Variants in ELP3 observed in about 807,000 individuals in gnomAD.
ELP3 encodes the protein elongator acetyltransferase complex subunit 3.
ELP3 carries 56 observed loss-of-function variants against 74.9 expected under a neutral mutation model. The ratio of observed to expected loss-of-function variants is 0.75; its 90% CI spans 0.60 to 0.93. The LOEUF is 0.93. Ranked by LOEUF, ELP3 falls within the 40% of genes least tolerant of loss-of-function variation. The pLI is 0.00. For missense variants in ELP3, 573 were observed against 686.5 expected, an observed-to-expected ratio of 0.83 and a Z score of 1.85; for synonymous variants, 222 against 239.8, an observed-to-expected ratio of 0.93 and a Z score of 0.68.
chr8:28,130,581 A>G (rs1812751174), intron 8 of ELP3, among the ~76,000 whole-genome samples: 1 of 152,224 alleles, frequency 6.6e-6, no homozygotes, highest in Admixed American at 6.5e-5. Flanking sequence ...AGAGTAACCG[A>G]ATAGGATGCT....
intron 7 of ELP3, among the ~76,000 whole-genome samples, chr8:28,127,317 C>G (rs911077484): frequency 6.6e-6 from 1 of 152,092 alleles, no homozygotes; most frequent in Admixed American, 6.6e-5. Flanking sequence ...CTAGTTTTTC[C>G]CAGTGATGTA....
rs1421473190 is a variant in ELP3 at position 28,190,967 on chromosome 8, A to G, written c.*1242A>G. On this transcript the variant is annotated 3_prime_UTR_variant, in exon 15 of 15. Transcript: ENST00000256398. ...ATGGAAAACAGGATTGGCTTCTTCA[A>G]AGGCTCCTCTTGTAGAACTGCCTCT... is the stretch of plus-strand genomic sequence containing the variant. The G allele has an allele frequency of 1.3e-5, 2 of 152,222 alleles. No homozygotes were observed. Among genetic ancestry groups the G allele is most frequent in the African/African-American group, 4.8e-5 (2 of 41,452 alleles). 9.4% of individuals were successfully genotyped at this position (152,222 alleles called of 1,614,324 possible).
At chr8:28,117,206 G>GTA (rs1252674948) in intron 7 of ELP3, among the ~76,000 whole-genome samples, 2 of 152,008 alleles carry the variant, frequency 1.3e-5, no homozygotes, top group African/African-American at 4.8e-5. Flanking sequence ...GTCCCCTGAG[G>GTA]TATATGAAGC....
chr8:28,117,041 A>G (rs1812167991), intron 7 of ELP3, among the ~76,000 whole-genome samples: 1 of 152,128 alleles, frequency 6.6e-6, no homozygotes, highest in Non-Finnish European at 1.5e-5. Flanking sequence ...CTGCAAGCTT[A>G]TATACTTCTG....
chr8:28,135,085 C>T (rs1367300205), intron 9 of ELP3, among the ~76,000 whole-genome samples: 3 of 152,164 alleles, frequency 2.0e-5, no homozygotes, highest in African/African-American at 7.2e-5. Flanking sequence ...CCCACCACCA[C>T]ACCTGGCTAA....
At position 28,129,663 on chromosome 8, in the gene ELP3, G is replaced by T; in HGVS notation, c.779G>T (p.Arg260Met). The T allele has an allele frequency of 6.2e-7, 1 of 1,613,904 alleles. No individual in the cohort carries two copies. The highest frequency in any genetic ancestry group is 2.2e-5 in the East Asian group (1 of 44,878). Reference sequence around the variant, plus strand: ...GAAGATGTGGCTAGAGACACCAACAGGTAAGATGGTGGCAGGTGATCTTGC... The same window carrying T: ...GAAGATGTGGCTAGAGACACCAACATGTAAGATGGTGGCAGGTGATCTTGC... ...VYEDVARDTN[R>M]GHTVKAVCES... The change falls in exon 8 of 15, where the codon AGG (arginine) becomes ATG (methionine). Residue 260 changes from arginine to methionine, a missense_variant and splice_region_variant. Coordinates refer to ENST00000256398, the MANE Select transcript of ELP3 (RefSeq NM_018091.6).
chr8:28,158,587 G>T lies in ELP3; in HGVS notation c.1211G>T (p.Arg404Ile). Residue 404 changes from arginine (R) to isoleucine (I), a missense_variant, in exon 12 of 15, where the codon AGA becomes ATA. Physicochemically the swap from Arg to Ile is moderately conservative, Grantham distance 97. Transcript: ENST00000256398. ...LGIQCRDVRTREVGIQEIHHK... is the reference protein window; with the variant it reads ...LGIQCRDVRTIEVGIQEIHHK... ...TGACAGTGTCGAGATGTGAGAACCA[G>T]AGAAGTTGGAATCCAAGAAATTCAT... The T allele has an allele frequency of 6.2e-7, 1 of 1,606,276 alleles. No homozygotes were observed. The highest frequency in any genetic ancestry group is 8.5e-7 in the Non-Finnish European group (1 of 1,178,140).
intron 14 of ELP3, among the ~76,000 whole-genome samples, chr8:28,170,050 A>C (rs984135231): frequency 2.6e-5 from 4 of 152,110 alleles, no homozygotes; most frequent in African/African-American, 9.7e-5. Context: ...AGTCCACCTC[A>C]CCCTCAGGGG....
chr8:28,115,223 A>G lies in ELP3; in HGVS notation c.617+2050A>G, dbSNP rs1471290619. Among the ~76,000 whole-genome samples the G allele has an allele frequency of 2.8e-5, 4 of 142,150 alleles. No individual in the cohort carries two copies. In the Admixed American group the frequency reaches 2.8e-4, roughly 10 times the overall value. The allele number at this position is 142,150 out of a possible 152,430, so 93.3% of individuals were successfully genotyped here. On this transcript the variant is annotated intron_variant, in intron 7 of 14. Coordinates refer to ENST00000256398, the MANE Select transcript of ELP3 (RefSeq NM_018091.6). Reference sequence around the variant, plus strand: ...GATGTCGGTGGGCTCTGAATGCAAGAGAAGTCTGAGCTGACGGTACGAAAC... The same window carrying G: ...GATGTCGGTGGGCTCTGAATGCAAGGGAAGTCTGAGCTGACGGTACGAAAC...
intron 3 of ELP3, 88 bp from the exon 4 acceptor site, chr8:28,106,625 C>T: frequency 9.7e-7 from 1 of 1,026,548 alleles, no homozygotes; most frequent in South Asian, 1.4e-5. Flanking sequence ...TGGTTGCATT[C>T]CTCTCCTTCC....
chr8:28,105,210 T>C (rs896171196), intron 3 of ELP3, among the ~76,000 whole-genome samples: 3 of 151,292 alleles, frequency 2.0e-5, no homozygotes, highest in Admixed American at 6.6e-5. Context: ...GGCAAAACCC[T>C]GTCTCTACTA....
At chr8:28,097,666 G>T (rs982543232) in intron 2 of ELP3, among the ~76,000 whole-genome samples, 1 of 151,926 alleles carries the variant, frequency 6.6e-6, no homozygotes, top group African/African-American at 2.4e-5. Flanking sequence ...AAAGTGCTGG[G>T]ATTACAGGCG....
chr8:28,141,551 T>C (rs1197087813), intron 10 of ELP3, among the ~76,000 whole-genome samples: 1 of 152,234 alleles, frequency 6.6e-6, no homozygotes, highest in Non-Finnish European at 1.5e-5. Flanking sequence ...AGCATCCATG[T>C]TAACTTCCTC....
chr8:28,145,039 C>CA (rs779284863), intron 10 of ELP3, among the ~76,000 whole-genome samples: 29 of 148,088 alleles, frequency 2.0e-4, no homozygotes, highest in South Asian at 1.7e-3. Flanking sequence ...GACTCCATCT[C>CA]AAAAAAAAAT....
chr8:28,122,675 T>G (rs1182040801), intron 7 of ELP3, among the ~76,000 whole-genome samples: 1 of 152,250 alleles, frequency 6.6e-6, no homozygotes, highest in Non-Finnish European at 1.5e-5. Context: ...TTCTCTTTTT[T>G]TCTTGTTTAC....
Position 28,189,868 on chromosome 8 carries a change from C to A in ELP3, c.*143C>A. On this transcript the variant is annotated 3_prime_UTR_variant, in exon 15 of 15. Transcript: ENST00000256398. ...CCGCAGCTGCAGAGACTGGAAACTG[C>A]CTTCAAGGCCACGGCTGGTCATCTG... 1 of 839,238 alleles carries A rather than the reference C, an allele frequency of 1.2e-6. No homozygotes were observed. 52.0% of individuals were successfully genotyped at this position (839,238 alleles called of 1,614,324 possible).
intron 14 of ELP3, among the ~76,000 whole-genome samples, chr8:28,179,010 A>G (rs1814884048): frequency 6.6e-6 from 1 of 152,222 alleles, no homozygotes; most frequent in African/African-American, 2.4e-5. Flanking sequence ...ATTGACCCTT[A>G]AACAACACAG....
At chr8:28,178,070 A>C (rs28638008) in intron 14 of ELP3, among the ~76,000 whole-genome samples, 2,461 of 152,310 alleles carry the variant, frequency 0.016, 69 homozygotes, top group African/African-American at 0.055. Context: ...GTTTACTGGA[A>C]GCTGTAACAA....
At chr8:28,093,794 T>G (rs2130330838) in intron 1 of ELP3, 2 of 156,236 alleles carry the variant, frequency 1.3e-5, no homozygotes, top group Middle Eastern at 3.4e-3. Flanking sequence ...ATCTCACAGG[T>G]TCTGTTCCTA....
Sources: gnomAD v4.1 joint callset for allele counts (sites outside exome capture counted in the v4.1 genomes callset) on GRCh38, gnomAD v4.1.1 for gene constraint, MANE v1.5 for transcripts, NCBI Gene and HGNC (gene_info 2026-07-23, HGNC 2026-07-21) for gene names.